CTBP2: variants seen among roughly 807,000 people sequenced by gnomAD.
CTBP2 encodes C-terminal binding protein 2.
In CTBP2, 30 loss-of-function variants were observed where a neutral mutation model predicts 80.3. That is an observed-to-expected ratio of 0.37 (90% CI 0.28 to 0.51). The LOEUF is 0.51. Among genes scored for constraint, CTBP2 ranks in the 20% least tolerant of loss-of-function variants. The probability of loss-of-function intolerance (pLI) is 0.93; values close to 1 mark genes in which losing one functional copy is unlikely to be tolerated. For synonymous variants in CTBP2, 594 were observed against 587.4 expected (o/e 1.01, Z -0.16); for missense variants, 1,212 against 1,375.3 (o/e 0.88, Z 1.88).
In CTBP2 at chr10:125,104,522, G is replaced by A. The variant is rs140660309; in HGVS notation, c.-102+6468C>T. Among the ~76,000 whole-genome samples, 1,354 of 152,216 alleles carry A rather than the reference G, an allele frequency of 8.9e-3. 9 individuals carry two copies. The highest frequency in any genetic ancestry group is 0.014 in the Non-Finnish European group (977 of 68,024). ...GAAATATGTATAAATGTCACTGTTCGGGCTGCTTCTCAGGATAAGTGCAGA... is the reference window on the plus strand; with the variant it reads ...GAAATATGTATAAATGTCACTGTTCAGGCTGCTTCTCAGGATAAGTGCAGA... On this transcript the variant is annotated intron_variant, in intron 2 of 10. Coordinates refer to the CTBP2 transcript ENST00000337195.
Position 125,066,985 on chromosome 10 carries a change from C to T in CTBP2, c.-101-27830G>A, listed in dbSNP as rs1371530380. On this transcript the variant is annotated intron_variant, in intron 2 of 10. Transcript: ENST00000337195. This position sits in a 1 kb window ranked among gnomAD's most constrained non-coding sequence, Gnocchi z 4.1. Reference sequence around the variant, plus strand: ...AATTCCTGAAGTCCCCGCCTGACCACCAGGCCCAGGTATAAGGGAAGGGCG... The same window carrying T: ...AATTCCTGAAGTCCCCGCCTGACCATCAGGCCCAGGTATAAGGGAAGGGCG... Among the ~76,000 whole-genome samples the T allele has an allele frequency of 6.6e-6, 1 of 152,188 alleles. No homozygotes were observed. The highest frequency in any genetic ancestry group is 1.5e-5 in the Non-Finnish European group (1 of 68,036).
chr10:125,083,169 T>A (rs969103205), intron 2 of CTBP2, among the ~76,000 whole-genome samples: 1 of 152,204 alleles, frequency 6.6e-6, no homozygotes, highest in Non-Finnish European at 1.5e-5. Context: ...AGACTTAAAT[T>A]CTGCCTTCAC....
At chr10:125,052,610 C>A (rs1254622318) in intron 2 of CTBP2, among the ~76,000 whole-genome samples, 3 of 152,212 alleles carry the variant, frequency 2.0e-5, no homozygotes, top group Non-Finnish European at 4.4e-5. Context: ...CCCACACGGC[C>A]CACAGAGGAG....
In CTBP2 at chr10:124,986,483, TTTCCCCCCGA is replaced by T. The variant is rs1952046921; in HGVS notation, c.*3025_*3034del. ...CACAAAACTGTCATGTCTTTAGTTC[TTTCCCCCCGA>T]AAACTCAGTAAAAAGGTGTTCCCAG... On this transcript the variant is annotated 3_prime_UTR_variant, in exon 9 of 9. Coordinates refer to ENST00000309035, the MANE Select transcript of CTBP2 (RefSeq NM_022802.3). 1.3e-5 allele frequency: 2 copies of T among 152,184 alleles called. No homozygotes were observed. The highest frequency in any genetic ancestry group is 1.3e-4 in the Admixed American group (2 of 15,278). 9.4% of individuals were successfully genotyped at this position (152,184 alleles called of 1,614,324 possible).
At chr10:125,008,031 C>T (rs1375646330) in intron 1 of CTBP2, among the ~76,000 whole-genome samples, 1 of 152,042 alleles carries the variant, frequency 6.6e-6, no homozygotes, top group East Asian at 1.9e-4. Context: ...ACTGCAACCT[C>T]CACCTCCCAG....
At chr10:125,053,421 C>T (rs1564808779) in intron 2 of CTBP2, among the ~76,000 whole-genome samples, 1 of 152,214 alleles carries the variant, frequency 6.6e-6, no homozygotes, top group Non-Finnish European at 1.5e-5. Context: ...CTTGCAGCCC[C>T]TCCTGGCATC....
chr10:125,091,490 A>AAAAAAGCTGAGGAG (rs1848752586), intron 2 of CTBP2, among the ~76,000 whole-genome samples: 1 of 152,222 alleles, frequency 6.6e-6, no homozygotes, highest in Non-Finnish European at 1.5e-5. Flanking sequence ...AAAGTAACAT[A>AAAAAAGCTGAGGAG]GGCCAGGTGC....
chr10:124,991,733 C>CGAGAGAATG (rs1408274422), intron 8 of CTBP2, among the ~76,000 whole-genome samples: 16 of 152,098 alleles, frequency 1.1e-4, no homozygotes, highest in Non-Finnish European at 1.9e-4. Flanking sequence ...AGGCCTCCTA[C>CGAGAGAATG]GAGAGAATGA....
intron 1 of CTBP2, 132 bp from the exon 4 acceptor site, chr10:125,003,624 C>T (rs750599): frequency 0.44 from 273,368 of 614,594 alleles, 62,258 homozygotes; most frequent in Admixed American, 0.53. Flanking sequence ...GAGGGCACCG[C>T]CTCCACCTGC....
At chr10:125,007,606 G>A (rs115336617) in intron 1 of CTBP2, among the ~76,000 whole-genome samples, 91 of 152,294 alleles carry the variant, frequency 6.0e-4, no homozygotes, top group African/African-American at 2.1e-3. Flanking sequence ...TCGGATACAG[G>A]CAGACAGGCC....
chr10:125,086,324 G>C (rs941669322), intron 2 of CTBP2, among the ~76,000 whole-genome samples: 1 of 152,148 alleles, frequency 6.6e-6, no homozygotes, highest in African/African-American at 2.4e-5. Context: ...CTGAGGTCAG[G>C]AGTTCGAGAC....
intron 1 of CTBP2, among the ~76,000 whole-genome samples, chr10:125,112,644 G>C (rs1042431564): frequency 2.7e-5 from 4 of 150,620 alleles, no homozygotes; most frequent in Non-Finnish European, 5.9e-5. Flanking sequence ...GGTCAGGCTG[G>C]TATCAAACTC....
rs774599652 is a variant in CTBP2 at position 125,119,815 on chromosome 10, G to A, written c.-205-8722C>T. Among the ~76,000 whole-genome samples, 3 of 152,172 alleles carry A rather than the reference G, an allele frequency of 2.0e-5. No individual in the cohort carries two copies. In the South Asian group the frequency reaches 6.2e-4, roughly 32 times the overall value. Reference sequence around the variant, plus strand: ...ATGATTTCCTATAATATGGAAAAATGTGAGCTGTGAGCTCCTGTCAGGAGG... The same window carrying A: ...ATGATTTCCTATAATATGGAAAAATATGAGCTGTGAGCTCCTGTCAGGAGG... On this transcript the variant is annotated intron_variant, in intron 1 of 10. Transcript: ENST00000337195.
At chr10:125,072,912 C>A (rs556039440) in intron 2 of CTBP2, among the ~76,000 whole-genome samples, 1 of 152,336 alleles carries the variant, frequency 6.6e-6, no homozygotes, top group South Asian at 2.1e-4. Context: ...CCCCAAATCA[C>A]TAACAAAACT....
At chr10:125,126,076 C>G (rs1017221565) in intron 1 of CTBP2, among the ~76,000 whole-genome samples, 1 of 152,196 alleles carries the variant, frequency 6.6e-6, no homozygotes, top group African/African-American at 2.4e-5. Flanking sequence ...AAGGAGGAGC[C>G]CAGGGCTCTG....
At chr10:125,040,667 G>C (rs2135013670) in intron 2 of CTBP2, among the ~76,000 whole-genome samples, 1 of 151,008 alleles carries the variant, frequency 6.6e-6, no homozygotes, top group Middle Eastern at 3.4e-3. Flanking sequence ...AGAAAGAGGA[G>C]AGATAAAGAT....
At chr10:125,149,981 AG>A (rs1859535758) in intron 1 of CTBP2, among the ~76,000 whole-genome samples, 1 of 152,242 alleles carries the variant, frequency 6.6e-6, no homozygotes, top group Admixed American at 6.5e-5. Context: ...AGCGACCCAA[AG>A]GAAGTTCACC....
At chr10:124,990,259 G>A (rs1952427771) in intron 8 of CTBP2, among the ~76,000 whole-genome samples, 1 of 151,900 alleles carries the variant, frequency 6.6e-6, no homozygotes, top group Admixed American at 6.6e-5. Flanking sequence ...TGGCCAGGAT[G>A]GTCTCAATCT....
At chr10:125,063,659 G>A (rs534807714) in intron 2 of CTBP2, among the ~76,000 whole-genome samples, 49 of 152,290 alleles carry the variant, frequency 3.2e-4, no homozygotes, top group Non-Finnish European at 4.9e-4. Context: ...CATGGATGGC[G>A]CAAACTCAAT....
Sources: gnomAD v4.1 joint callset for allele counts (sites outside exome capture counted in the v4.1 genomes callset) on GRCh38, gnomAD v4.1.1 for gene constraint, Gnocchi (gnomAD v3.1) non-coding constraint, MANE v1.5 for transcripts, NCBI Gene and HGNC (gene_info 2026-07-23, HGNC 2026-07-21) for gene names.